Variants in POU5F1 observed in about 807,000 individuals in gnomAD.
POU5F1 encodes POU class 5 homeobox 1, also known as POU domain, class 5, transcription factor 1.
A neutral mutation model predicts 38.3 loss-of-function variants in POU5F1; 6 were observed. That is an observed-to-expected ratio of 0.16 (90% CI 0.09 to 0.31). The LOEUF is 0.31. Ranked by LOEUF, POU5F1 falls within the 10% of genes least tolerant of loss-of-function variation. The pLI, the probability that POU5F1 is intolerant of heterozygous loss-of-function variation, is 1.00. For synonymous variants in POU5F1, 147 were observed against 194.9 expected (o/e 0.75, Z 2.05); for missense variants, 286 against 462.6 (o/e 0.62, Z 3.50).
chr6:31,168,731 GGAGCA>G (rs1554136334), intron 1 of POU5F1, among the ~76,000 whole-genome samples: 1 of 152,170 alleles, frequency 6.6e-6, no homozygotes, highest in Non-Finnish European at 1.5e-5. Context: ...TGATCAGGGT[GGAGCA>G]GTTCAGGGAG....
At chr6:31,166,243 G>A in intron 1 of POU5F1, 196 bp from the exon 2 acceptor site, 1 of 1,547,872 alleles carries the variant, frequency 6.5e-7, no homozygotes. Flanking sequence ...CCTGTTCACT[G>A]ACTCATGCAT....
At position 31,166,840 on chromosome 6, in the gene POU5F1, T is replaced by G. The variant is rs571668450; in HGVS notation, c.406-793A>C. 44 of 1,242,432 alleles carry G rather than the reference T, an allele frequency of 3.5e-5. No homozygotes were observed. In the African/African-American group the frequency reaches 6.6e-4, roughly 19 times the overall value. The allele number at this position is 1,242,432 out of a possible 1,614,324, so 77.0% of individuals were successfully genotyped here. On this transcript the variant is annotated intron_variant, in intron 1 of 4. Transcript: ENST00000259915. ...AAATTCAGTATATACTCTCCCCAGC[T>G]TGCTTTGAGGGTCCCACAAACTATA...
chr6:31,164,606 T>C lies in POU5F1; in HGVS notation c.1078A>G (p.Asn360Asp), dbSNP rs1191115401. 6.3e-7 allele frequency: 1 copy of C among 1,582,162 alleles called. No individual in the cohort carries two copies. Among genetic ancestry groups the C allele is most frequent in the African/African-American group, 1.3e-5 (1 of 74,284 alleles). The change falls in exon 5 of 5, where the codon AAC becomes GAC. Residue 360 changes from asparagine (N) to aspartate (D), a missense_variant. This residue lies in a region of POU5F1 where 110 missense variants were observed against 277.8 expected (regional missense o/e 0.40). Coordinates refer to ENST00000259915, the MANE Select transcript of POU5F1 (RefSeq NM_002701.6). ...TTCCTAGAAGGGCAGGCACCTCAGT[T>C]TGAATGCATGGGAGAGCCCAGAGTG... Reference protein sequence around the residue: ...VTTLGSPMHSN With the variant: ...VTTLGSPMHSD
rs751426340 is a variant in POU5F1, at chr6:31,170,214, G to A, written c.405+2C>T. On this transcript the variant is annotated splice_donor_variant, in intron 1 of 4. Coordinates refer to ENST00000259915, the MANE Select transcript of POU5F1 (RefSeq NM_002701.6). LOFTEE classifies it low-confidence loss of function (GC_TO_GT_DONOR). ...ACCCCAACCCCGTCGAAGCTCACTTGCCTCCTCCGGGTTTTGCTCCAGCTT... is the reference window on the plus strand; with the variant it reads ...ACCCCAACCCCGTCGAAGCTCACTTACCTCCTCCGGGTTTTGCTCCAGCTT... The A allele has an allele frequency of 6.2e-7, 1 of 1,612,782 alleles. No individual in the cohort carries two copies. The highest frequency in any genetic ancestry group is 8.5e-7 in the Non-Finnish European group (1 of 1,179,848).
chr6:31,165,828 C>T lies in POU5F1; in HGVS notation c.526+99G>A. 1 of 1,529,126 alleles carries T rather than the reference C, an allele frequency of 6.5e-7. No homozygotes were observed. Among genetic ancestry groups the T allele is most frequent in the Non-Finnish European group, 8.8e-7 (1 of 1,140,952 alleles). 94.7% of individuals were successfully genotyped at this position (1,529,126 alleles called of 1,614,324 possible). Reference sequence around the variant, plus strand: ...GCATCTTCTCCCTCTCCCTACTCCTCTTCATGGGTGAGGGTAGTCTGCCCC... The same window carrying T: ...GCATCTTCTCCCTCTCCCTACTCCTTTTCATGGGTGAGGGTAGTCTGCCCC... On this transcript the variant is annotated intron_variant, in intron 2 of 4. Transcript: ENST00000259915. This position sits in a 1 kb window ranked among gnomAD's most constrained non-coding sequence, Gnocchi z 6.5.
chr6:31,169,409 TA>T (rs1299875674), intron 1 of POU5F1, among the ~76,000 whole-genome samples: 1 of 152,194 alleles, frequency 6.6e-6, no homozygotes, highest in Admixed American at 6.5e-5. Flanking sequence ...GATACATCTT[TA>T]ATAGTCCTCA....
intron 1 of POU5F1, 97 bp downstream of exon 1, chr6:31,170,119 G>C: frequency 6.3e-7 from 1 of 1,595,184 alleles, no homozygotes; most frequent in East Asian, 2.2e-5. Context: ...TCCTCTCCTG[G>C]GTGCCAGGTC....
At chr6:31,168,859 C>A (rs1777470923) in intron 1 of POU5F1, among the ~76,000 whole-genome samples, 1 of 152,160 alleles carries the variant, frequency 6.6e-6, no homozygotes, top group South Asian at 2.1e-4. Flanking sequence ...AAGGACTGAG[C>A]CCTGGGGCAT....
intron 1 of POU5F1, among the ~76,000 whole-genome samples, chr6:31,168,828 G>T (rs1174736897): frequency 1.3e-5 from 2 of 152,174 alleles, no homozygotes; most frequent in Non-Finnish European, 2.9e-5. Context: ...GAGGAAGGAA[G>T]GGTAGATAGA....
chr6:31,167,551 T>A (rs911923679), intron 1 of POU5F1, among the ~76,000 whole-genome samples: 5 of 151,822 alleles, frequency 3.3e-5, no homozygotes, highest in African/African-American at 1.2e-4. Context: ...CTACTAAAAA[T>A]ACAAAAATTA....
chr6:31,170,314 C>T lies in POU5F1; in HGVS notation c.307G>A (p.Val103Met), dbSNP rs755521189. ...SQPEGEAGVG[V>M]ESNSDGASPE... Reference sequence around the variant, plus strand: ...GAGGCCCCATCGGAGTTGCTCTCCACCCCGACTCCTGCTTCGCCCTCAGGC... The same window carrying T: ...GAGGCCCCATCGGAGTTGCTCTCCATCCCGACTCCTGCTTCGCCCTCAGGC... The change falls in exon 1 of 5, where the codon GTG becomes ATG. Residue 103 changes from valine to methionine, a missense_variant. Around this residue, in one of 2 missense-constraint regions of POU5F1, gnomAD observed 176 missense variants for 184.8 expected, o/e 0.95. Transcript: ENST00000259915. The T allele has an allele frequency of 5.0e-6, 8 of 1,612,792 alleles. No homozygotes were observed. The highest frequency in any genetic ancestry group is 6.8e-6 in the Non-Finnish European group (8 of 1,179,842).
In POU5F1 at chr6:31,165,146, C is replaced by T. The variant is rs1352084514; in HGVS notation, c.798G>A (p.Gln266=). The change falls in exon 4 of 5, where the codon CAG becomes CAA. Residue 266 remains glutamine (Q), a synonymous_variant. Transcript: ENST00000259915. The surrounding 1 kb of genome is among the most constrained non-coding windows in gnomAD (Gnocchi z 6.5). ...CACTCACATCCTTCTCGAGCCCAAG[C>T]TGCTGGGCGATGTGGCTGATCTGCT... The part of the protein sequence containing the change: ...TLQQISHIAQ[Q]LGLEKDVVRV... 5 of 1,609,346 alleles carry T rather than the reference C, an allele frequency of 3.1e-6. No homozygotes were observed. The highest frequency in any genetic ancestry group is 4.2e-6 in the Non-Finnish European group (5 of 1,178,170).
rs188938867 is a variant in POU5F1 at position 31,168,342 on chromosome 6, T to G, written c.405+1874A>C. On this transcript the variant is annotated intron_variant, in intron 1 of 4. Coordinates refer to ENST00000259915, the MANE Select transcript of POU5F1 (RefSeq NM_002701.6). ...CCTCCATCTCCCAGGTTCAAGCGAT[T>G]CTCCTGCCTCAGCTTCCTGAGTAGC... Among the ~76,000 whole-genome samples, 57 of 151,966 alleles carry G rather than the reference T, an allele frequency of 3.8e-4. No individual in the cohort carries two copies. In the Middle Eastern group the frequency reaches 0.01, roughly 27 times the overall value.
At chr6:31,166,721 A>T (rs775390135) in intron 1 of POU5F1, 78 of 1,175,488 alleles carry the variant, frequency 6.6e-5, no homozygotes, top group Non-Finnish European at 8.3e-5. Context: ...CTCAAGTATC[A>T]CCCCCAGTTT....
intron 1 of POU5F1, 164 bp downstream of exon 1, chr6:31,170,052 G>A (rs1416660667): frequency 8.8e-7 from 1 of 1,135,966 alleles, no homozygotes; most frequent in African/African-American, 1.6e-5. Flanking sequence ...CTGCCTGCCA[G>A]GGCTGCCAGC....
chr6:31,166,475 A>G, intron 1 of POU5F1: 7 of 1,248,526 alleles, frequency 5.6e-6, no homozygotes, highest in Non-Finnish European at 7.4e-6. Flanking sequence ...CATGGCCAAC[A>G]TGGTGAAACC....
intron 1 of POU5F1, among the ~76,000 whole-genome samples, chr6:31,169,607 TC>T (rs61036361): frequency 0.073 from 11,021 of 151,876 alleles, 661 homozygotes; most frequent in African/African-American, 0.16. Context: ...GAGGCAGAGA[TC>T]CGGGGAAGAC....
In POU5F1 at chr6:31,167,662, C is replaced by T. The variant is rs1250164212; in HGVS notation, c.406-1615G>A. On this transcript the variant is annotated intron_variant, in intron 1 of 4. Transcript: ENST00000259915. ...GGTGGAGTTTGCAGTGAGCCAAGAT[C>T]GCACCACTGCACTCCAGCCTGAGGG... is the stretch of plus-strand genomic sequence containing the variant. 4.0e-5 allele frequency among the ~76,000 whole-genome samples: 6 copies of T among 151,368 alleles called. No homozygotes were observed. The South Asian group carries it at 6.3e-4, about 16-fold the overall frequency.
intron 1 of POU5F1, chr6:31,166,900 G>GT: frequency 7.6e-7 from 1 of 1,312,884 alleles, no homozygotes. Flanking sequence ...CAGCAAAAAA[G>GT]TAACAGGTGT....
Sources: allele counts gnomAD v4.1 joint callset (sites outside exome capture counted in the v4.1 genomes callset), GRCh38; gene constraint gnomAD v4.1.1; regional missense constraint gnomAD v4.1.1; non-coding constraint Gnocchi (gnomAD v3.1); transcripts MANE v1.5; gene names NCBI Gene and HGNC (gene_info 2026-07-23, HGNC 2026-07-21).